CYRIA: variants seen among roughly 807,000 people sequenced by gnomAD.
CYRIA encodes CYFIP related Rac1 interactor A, also known as CYFIP-related Rac1 interactor A.
CYRIA carries 15 observed loss-of-function variants against 43.9 expected under a neutral mutation model. That is an observed-to-expected ratio of 0.34 (90% CI 0.23 to 0.53). The LOEUF is 0.53. CYRIA is among the 20% of genes least tolerant of loss of function. The pLI, the probability that CYRIA is intolerant of heterozygous loss-of-function variation, is 0.94. For synonymous variants in CYRIA, 117 were observed against 136.0 expected (o/e 0.86, Z 0.97); for missense variants, 236 against 394.2 (o/e 0.60, Z 3.40).
chr2:16,561,299 G>C, intron 7 of CYRIA, 22 bp from the exon 8 acceptor site: 1 of 1,568,352 alleles, frequency 6.4e-7, no homozygotes. Context: ...AAGAAGAGAA[G>C]ATGGATTTAT....
In CYRIA at chr2:16,559,463, G is replaced by A. The variant is rs557490586; in HGVS notation, c.834C>T (p.Ile278=). 54 of 1,611,976 alleles carry A rather than the reference G, an allele frequency of 3.3e-5. 1 individual carries two copies. Among genetic ancestry groups the A allele is most frequent in the South Asian group, 2.0e-4 (18 of 90,822 alleles). ...PVGAFCKTSK[I]DMKGCIKVLK... ...CACATTTCACAACTATTCTTACATC[G>A]ATCTTGGATGTCTTGCAGAAAGCTC... is the stretch of plus-strand genomic sequence containing the variant. The change falls in exon 10 of 12, where the codon ATC becomes ATT. Residue 278 remains isoleucine, a synonymous_variant. Coordinates refer to ENST00000381323, the MANE Select transcript of CYRIA (RefSeq NM_030797.4).
intron 1 of CYRIA, among the ~76,000 whole-genome samples, chr2:16,644,010 C>T (rs12465924): frequency 0.055 from 8,400 of 152,284 alleles, 295 homozygotes; most frequent in Admixed American, 0.11. Context: ...AAGGCCACTC[C>T]TCAACTCTCT....
At chr2:16,634,805 A>G (rs1305315263) in intron 1 of CYRIA, among the ~76,000 whole-genome samples, 1 of 152,214 alleles carries the variant, frequency 6.6e-6, no homozygotes, top group East Asian at 1.9e-4. Flanking sequence ...CCAACTTCAC[A>G]TTCAGTGACG....
intron 3 of CYRIA, among the ~76,000 whole-genome samples, chr2:16,570,762 C>G (rs917359143): frequency 6.6e-6 from 1 of 152,162 alleles, no homozygotes; most frequent in African/African-American, 2.4e-5. Flanking sequence ...AAGAAAGGTA[C>G]AAACAGTCCC....
At chr2:16,591,745 G>C (rs139143864) in intron 2 of CYRIA, among the ~76,000 whole-genome samples, 19 of 152,224 alleles carry the variant, frequency 1.2e-4, no homozygotes, top group Admixed American at 6.5e-4. Flanking sequence ...TTATATCAGA[G>C]GGAATACGGC....
At chr2:16,640,161 A>C (rs1018872885) in intron 1 of CYRIA, among the ~76,000 whole-genome samples, 1 of 152,174 alleles carries the variant, frequency 6.6e-6, no homozygotes, top group Admixed American at 6.5e-5. Flanking sequence ...AGGGGGAAAA[A>C]TCCACACTTT....
Position 16,575,202 on chromosome 2 carries a change from C to T in CYRIA, c.71-9435G>A, listed in dbSNP as rs558606959. ...CTGTATTTACCCAATGCCTGTACCC[C>T]TGTTGTATCTAGGAAGTAACTAACT... On this transcript the variant is annotated intron_variant, in intron 3 of 11. Coordinates refer to ENST00000381323, the MANE Select transcript of CYRIA (RefSeq NM_030797.4). Among the ~76,000 whole-genome samples, 103 of 152,310 alleles carry T rather than the reference C, an allele frequency of 6.8e-4. 1 individual carries two copies. Among genetic ancestry groups the T allele is most frequent in the Non-Finnish European group, 1.2e-3 (80 of 68,028 alleles).
intron 3 of CYRIA, among the ~76,000 whole-genome samples, chr2:16,577,343 A>G (rs1667389097): frequency 6.6e-6 from 1 of 152,170 alleles, no homozygotes; most frequent in East Asian, 1.9e-4. Flanking sequence ...ATATATCTGT[A>G]ACACATTTAG....
intron 2 of CYRIA, among the ~76,000 whole-genome samples, chr2:16,590,134 A>G (rs886935885): frequency 5.9e-5 from 9 of 152,118 alleles, no homozygotes; most frequent in African/African-American, 2.2e-4. Context: ...CTCAAAGATT[A>G]TTCTTTGTCT....
intron 2 of CYRIA, among the ~76,000 whole-genome samples, chr2:16,608,214 A>G (rs1275227559): frequency 6.6e-6 from 1 of 152,228 alleles, no homozygotes; most frequent in East Asian, 1.9e-4. Context: ...ACCCACACAG[A>G]CTGAGCAGAG....
intron 1 of CYRIA, among the ~76,000 whole-genome samples, chr2:16,646,678 CATT>C (rs1405179168): frequency 6.6e-6 from 1 of 152,184 alleles, no homozygotes; most frequent in African/African-American, 2.4e-5. Flanking sequence ...TTTGGTTAAA[CATT>C]ATTCTGTTTG....
chr2:16,573,128 T>C (rs1178993556), intron 3 of CYRIA, among the ~76,000 whole-genome samples: 1 of 152,204 alleles, frequency 6.6e-6, no homozygotes, highest in Non-Finnish European at 1.5e-5. Context: ...TCTTCATTGG[T>C]GACTGTCAAT....
chr2:16,553,379 T>C (rs1381567215), intron 11 of CYRIA, among the ~76,000 whole-genome samples: 1 of 152,172 alleles, frequency 6.6e-6, no homozygotes, highest in Non-Finnish European at 1.5e-5. Flanking sequence ...GGAATGTTTA[T>C]GGTTCTCCAC....
At chr2:16,600,308 C>A (rs1668160569) in intron 2 of CYRIA, among the ~76,000 whole-genome samples, 1 of 152,224 alleles carries the variant, frequency 6.6e-6, no homozygotes, top group South Asian at 2.1e-4. Flanking sequence ...AACACTGACT[C>A]TCTTGGTGAC....
chr2:16,574,679 A>C (rs1408617559), intron 3 of CYRIA, among the ~76,000 whole-genome samples: 1 of 152,210 alleles, frequency 6.6e-6, no homozygotes, highest in Non-Finnish European at 1.5e-5. Context: ...TGCAAGTCCC[A>C]AGCCATGGTG....
chr2:16,654,237 C>T (rs1005948522), intron 1 of CYRIA, among the ~76,000 whole-genome samples: 2 of 152,178 alleles, frequency 1.3e-5, no homozygotes, highest in African/African-American at 4.8e-5. Flanking sequence ...TGGTTTTGCT[C>T]TCTATAAAAT....
chr2:16,638,775 A>G (rs1669585230), intron 1 of CYRIA, among the ~76,000 whole-genome samples: 1 of 151,974 alleles, frequency 6.6e-6, no homozygotes, highest in South Asian at 2.1e-4. Context: ...ATATCGTGTG[A>G]GTGTGGAGTG....
intron 1 of CYRIA, among the ~76,000 whole-genome samples, chr2:16,651,071 G>A (rs1572204764): frequency 6.6e-6 from 1 of 152,176 alleles, no homozygotes; most frequent in East Asian, 1.9e-4. Flanking sequence ...AAGGCGTTCT[G>A]CAGCAGCTGA....
intron 1 of CYRIA, among the ~76,000 whole-genome samples, chr2:16,635,274 G>C (rs1364762190): frequency 6.6e-6 from 1 of 152,174 alleles, no homozygotes; most frequent in African/African-American, 2.4e-5. Context: ...CTAGTGCCAA[G>C]GTTGAGAGAT....
Sources: allele counts gnomAD v4.1 joint callset (sites outside exome capture counted in the v4.1 genomes callset), GRCh38; gene constraint gnomAD v4.1.1; transcripts MANE v1.5; gene names NCBI Gene and HGNC (gene_info 2026-07-23, HGNC 2026-07-21).